The following IL1RAPL2 variants were observed in gnomAD, a reference collection of about 807,000 sequenced individuals.
IL1RAPL2 encodes X-linked interleukin-1 receptor accessory protein-like 2.
IL1RAPL2 carries 3 observed loss-of-function variants against 44.1 expected under a neutral mutation model. The observed-to-expected ratio is 0.07, with a 90% CI of 0.03 to 0.18. The LOEUF is 0.18. Among genes scored for constraint, IL1RAPL2 ranks in the 10% least tolerant of loss-of-function variants. The probability of loss-of-function intolerance (pLI) is 1.00; values close to 1 mark genes in which losing one functional copy is unlikely to be tolerated. For missense variants in IL1RAPL2, 391 were observed against 496.4 expected (o/e 0.79, Z 2.02); for synonymous variants, 181 against 178.8 (o/e 1.01, Z -0.10).
At chrX:105,717,099 GAC>G (rs1174482402) in intron 6 of IL1RAPL2, among the ~76,000 whole-genome samples, 2 of 111,738 alleles carry the variant, frequency 1.8e-5, no homozygotes, top group Admixed American at 9.5e-5. Flanking sequence ...CAGCCTGGGT[GAC>G]AGAGTCAGAC....
intron 5 of IL1RAPL2, among the ~76,000 whole-genome samples, chrX:105,383,168 G>A (rs1569432432): frequency 1.8e-5 from 2 of 108,348 alleles, no homozygotes; most frequent in East Asian, 5.9e-4. Flanking sequence ...AAAAACTATA[G>A]TTACTCTATT....
chrX:105,247,633 G>A (rs764377327), intron 4 of IL1RAPL2, among the ~76,000 whole-genome samples: 5 of 107,595 alleles, frequency 4.6e-5, no homozygotes, highest in East Asian at 2.9e-4. Flanking sequence ...GTGTGTGTGT[G>A]TGTGTGTGTG....
At chrX:105,004,844 T>G (rs1489621794) in intron 2 of IL1RAPL2, among the ~76,000 whole-genome samples, 1 of 111,091 alleles carries the variant, frequency 9.0e-6, no homozygotes, top group Non-Finnish European at 1.9e-5. Flanking sequence ...AAGTTTCATC[T>G]GCACAATGTG....
chrX:105,368,015 G>A (rs1030078417), intron 5 of IL1RAPL2, among the ~76,000 whole-genome samples: 2 of 110,178 alleles, frequency 1.8e-5, no homozygotes, highest in African/African-American at 3.3e-5. Flanking sequence ...ATTGCAGGGT[G>A]CTATGGTTTG....
intron 1 of IL1RAPL2, among the ~76,000 whole-genome samples, chrX:104,585,273 A>T (rs867959464): frequency 9.8e-4 from 17 of 17,302 alleles, no homozygotes; most frequent in Admixed American, 2.7e-3. Flanking sequence ...ATAATATATT[A>T]TATATATTAT....
At chrX:105,032,601 T>G (rs1244497984) in intron 2 of IL1RAPL2, among the ~76,000 whole-genome samples, 2 of 112,251 alleles carry the variant, frequency 1.8e-5, no homozygotes, top group Non-Finnish European at 3.8e-5. Flanking sequence ...CGTTTTGTTA[T>G]AATTTCTGTT....
At chrX:105,285,130 A>C (rs2147665787) in intron 5 of IL1RAPL2, among the ~76,000 whole-genome samples, 1 of 111,960 alleles carries the variant, frequency 8.9e-6, no homozygotes, top group African/African-American at 3.2e-5. Context: ...TGATTCGCAT[A>C]ACATTCTTTC....
chrX:104,570,363 G>T (rs1928122961), intron 1 of IL1RAPL2, among the ~76,000 whole-genome samples: 1 of 111,900 alleles, frequency 8.9e-6, no homozygotes, highest in Non-Finnish European at 1.9e-5. Flanking sequence ...ACTTGGAGCT[G>T]CAAGTGCCAA....
intron 1 of IL1RAPL2, among the ~76,000 whole-genome samples, chrX:104,628,455 C>T (rs1320007795): frequency 1.8e-5 from 2 of 111,372 alleles, no homozygotes; most frequent in African/African-American, 6.5e-5. Context: ...GTTTGTATTT[C>T]TGTGCCTGGC....
chrX:105,276,133 C>T (rs757249268), intron 5 of IL1RAPL2, among the ~76,000 whole-genome samples: 11 of 112,728 alleles, frequency 9.8e-5, no homozygotes, highest in Non-Finnish European at 1.3e-4. Context: ...CGGCCAGGCA[C>T]GGTGGCTCAC....
intron 5 of IL1RAPL2, among the ~76,000 whole-genome samples, chrX:105,368,186 T>G (rs898480043): frequency 2.7e-5 from 3 of 111,100 alleles, no homozygotes; most frequent in Non-Finnish European, 5.7e-5. Context: ...AGGAGTAGAT[T>G]AGTTCCTAAG....
intron 2 of IL1RAPL2, among the ~76,000 whole-genome samples, chrX:104,910,360 G>T (rs777433933): frequency 1.8e-5 from 2 of 112,168 alleles, no homozygotes; most frequent in Non-Finnish European, 3.8e-5. Flanking sequence ...GTTCCTATTC[G>T]TCCATCTTGG....
intron 6 of IL1RAPL2, among the ~76,000 whole-genome samples, chrX:105,647,953 A>G (rs1375034641): frequency 9.0e-6 from 1 of 111,584 alleles, no homozygotes; most frequent in Non-Finnish European, 1.9e-5. Context: ...CTTGGTCACA[A>G]GTTAAACCTG....
chrX:105,161,845 AG>A (rs2033327743), intron 2 of IL1RAPL2, among the ~76,000 whole-genome samples: 1 of 111,738 alleles, frequency 8.9e-6, no homozygotes, highest in Non-Finnish European at 1.9e-5. Flanking sequence ...ACCCTCTCTG[AG>A]GGGATTTAGT....
intron 2 of IL1RAPL2, among the ~76,000 whole-genome samples, chrX:104,797,851 T>C (rs1932860394): frequency 8.9e-6 from 1 of 112,413 alleles, no homozygotes; most frequent in South Asian, 3.7e-4. Context: ...TTCAACAACA[T>C]CTTCATTATG....
intron 5 of IL1RAPL2, among the ~76,000 whole-genome samples, chrX:105,289,535 T>C (rs764448010): frequency 3.6e-5 from 4 of 111,809 alleles, no homozygotes; most frequent in Admixed American, 9.5e-5. Context: ...GTTCCAGTTA[T>C]ATTTTGAAGA....
At chrX:105,016,035 TGTAA>T (rs2031167621) in intron 2 of IL1RAPL2, among the ~76,000 whole-genome samples, 1 of 111,561 alleles carries the variant, frequency 9.0e-6, no homozygotes. Flanking sequence ...TCACATCCCT[TGTAA>T]GTTGGATTCC....
chrX:104,634,045 C>G, intron 1 of IL1RAPL2, among the ~76,000 whole-genome samples: 1 of 111,005 alleles, frequency 9.0e-6, no homozygotes, highest in Non-Finnish European at 1.9e-5. Flanking sequence ...TATGTTGTGT[C>G]TTTGTTCTCG....
chrX:105,613,768 G>A (rs1347661847), intron 6 of IL1RAPL2, among the ~76,000 whole-genome samples: 1 of 111,773 alleles, frequency 8.9e-6, no homozygotes, highest in Non-Finnish European at 1.9e-5. Flanking sequence ...AAAGGGGAGG[G>A]AAGAGTAGGA....
Sources: gnomAD v4.1 joint callset for allele counts (sites outside exome capture counted in the v4.1 genomes callset) on GRCh38, gnomAD v4.1.1 for gene constraint, MANE v1.5 for transcripts, NCBI Gene and HGNC (gene_info 2026-07-23, HGNC 2026-07-21) for gene names.